Variants in CTPS2 observed in about 807,000 individuals in gnomAD.
The protein encoded by CTPS2 is CTP synthase II.
In CTPS2, 19 loss-of-function variants were observed where a neutral mutation model predicts 46.8. That is an observed-to-expected ratio of 0.41 (90% CI 0.28 to 0.60). The LOEUF is 0.60. CTPS2 is among the 20% of genes least tolerant of loss of function. The pLI is 0.35. For synonymous variants in CTPS2, 151 were observed against 165.2 expected (o/e 0.91, Z 0.66); for missense variants, 286 against 447.6 (o/e 0.64, Z 3.26).
chrX:16,702,592 A>G, intron 2 of CTPS2, 145 bp downstream of exon 2: 1 of 508,595 alleles, frequency 2.0e-6, no homozygotes, highest in Admixed American at 3.3e-5. Context: ...ACAATGTATC[A>G]ATGACCATGA....
At chrX:16,695,638 G>A (rs1924069162) in intron 4 of CTPS2, among the ~76,000 whole-genome samples, 1 of 109,360 alleles carries the variant, frequency 9.1e-6, no homozygotes, top group Non-Finnish European at 1.9e-5. Flanking sequence ...TGCAAGCTCC[G>A]CCTCCTGGGT....
At chrX:16,681,604 G>A (rs1470370459) in intron 9 of CTPS2, among the ~76,000 whole-genome samples, 1 of 111,455 alleles carries the variant, frequency 9.0e-6, no homozygotes, top group East Asian at 2.8e-4. Context: ...GGAGTGCAGT[G>A]GCGCAATTAT....
intron 9 of CTPS2, among the ~76,000 whole-genome samples, chrX:16,680,649 T>C (rs966529621): frequency 8.1e-5 from 9 of 111,337 alleles, no homozygotes; most frequent in Middle Eastern, 9.3e-3. Context: ...ATAAAATGTA[T>C]ATGTCATGGC....
chrX:16,624,378 T>C (rs1446797782), intron 14 of CTPS2, among the ~76,000 whole-genome samples: 2 of 111,818 alleles, frequency 1.8e-5, no homozygotes, highest in Non-Finnish European at 3.8e-5. Context: ...GAAATTCTAT[T>C]TGAGAACATC....
At chrX:16,684,558 G>A (rs1457633963) in intron 8 of CTPS2, among the ~76,000 whole-genome samples, 2 of 105,499 alleles carry the variant, frequency 1.9e-5, no homozygotes, top group Non-Finnish European at 3.9e-5. Context: ...TATCTGTAAA[G>A]AGTACAAGAG....
At chrX:16,604,608 C>T (rs915973325) in intron 17 of CTPS2, among the ~76,000 whole-genome samples, 1 of 109,630 alleles carries the variant, frequency 9.1e-6, no homozygotes, top group African/African-American at 3.3e-5. Context: ...GGGCGGATTG[C>T]TTGCGCCCAG....
chrX:16,636,570 G>T (rs182905940), intron 14 of CTPS2, among the ~76,000 whole-genome samples: 27 of 111,807 alleles, frequency 2.4e-4, no homozygotes, highest in Admixed American at 2.4e-3. Context: ...TCTACAGGAG[G>T]TGATGAAAAT....
chrX:16,600,547 C>A (rs1370147154), intron 17 of CTPS2, among the ~76,000 whole-genome samples: 4 of 111,102 alleles, frequency 3.6e-5, no homozygotes, highest in African/African-American at 9.8e-5. Flanking sequence ...AGAATACCAC[C>A]CAGGCAGGGT....
chrX:16,588,624 T>C lies in CTPS2; in HGVS notation c.*1193A>G, dbSNP rs1928737240. The C allele has an allele frequency of 9.0e-6, 1 of 111,662 alleles. No homozygotes were observed. Among genetic ancestry groups the C allele is most frequent in the Non-Finnish European group, 1.9e-5 (1 of 53,178 alleles). The allele number at this position is 111,662 out of a possible 1,213,427, so 9.2% of individuals were successfully genotyped here. ...CACATATATTGTGTAATTCCACTTA[T>C]ATGAAATATCCAGAATAGAAAAAGC... On this transcript the variant is annotated 3_prime_UTR_variant, in exon 19 of 19. Coordinates refer to ENST00000359276, the MANE Select transcript of CTPS2 (RefSeq NM_175859.3).
At chrX:16,661,331 T>G (rs962444117) in intron 13 of CTPS2, among the ~76,000 whole-genome samples, 3 of 112,071 alleles carry the variant, frequency 2.7e-5, no homozygotes, top group Admixed American at 1.9e-4. Flanking sequence ...CCAAGTGATT[T>G]CTATATGATC....
At chrX:16,615,203 G>A in intron 16 of CTPS2, among the ~76,000 whole-genome samples, 1 of 110,042 alleles carries the variant, frequency 9.1e-6, no homozygotes, top group East Asian at 2.9e-4. Flanking sequence ...GCCAGGCAGG[G>A]TGATGCACAC....
Position 16,601,572 on chromosome X carries a change from C to CG in CTPS2, c.1691+7968dup, listed in dbSNP as rs5901589. Among the ~76,000 whole-genome samples the CG allele has an allele frequency of 8.2e-3, 576 of 70,609 alleles. 12 individuals are homozygous for CG. The highest frequency in any genetic ancestry group is 0.013 in the Non-Finnish European group (466 of 36,328). The allele number at this position is 70,609 out of a possible 115,157, so 61.3% of individuals were successfully genotyped here. On this transcript the variant is annotated intron_variant, in intron 17 of 18. Coordinates refer to ENST00000359276, the MANE Select transcript of CTPS2 (RefSeq NM_175859.3). ...TATCCTATAAACCAAGGGAAGCCAT[C>CG]GGGGGGGGGGGGGTTTAAGTTCCAA...
At chrX:16,616,843 C>T (rs774413319) in intron 16 of CTPS2, among the ~76,000 whole-genome samples, 13 of 111,000 alleles carry the variant, frequency 1.2e-4, no homozygotes, top group South Asian at 3.9e-4. Flanking sequence ...TACAGGTGCA[C>T]GCCACCACAC....
intron 13 of CTPS2, among the ~76,000 whole-genome samples, chrX:16,652,511 A>C (rs1031103899): frequency 8.9e-6 from 1 of 112,417 alleles, no homozygotes; most frequent in Non-Finnish European, 1.9e-5. Context: ...CTAGCAGAAA[A>C]AGGGACTTTT....
chrX:16,606,291 A>G (rs1276872775), intron 17 of CTPS2, among the ~76,000 whole-genome samples: 3 of 112,019 alleles, frequency 2.7e-5, no homozygotes, highest in Non-Finnish European at 5.6e-5. Flanking sequence ...TACAGCCCCA[A>G]CTCAGCTCAC....
intron 6 of CTPS2, among the ~76,000 whole-genome samples, chrX:16,692,306 A>C (rs960126444): frequency 5.7e-4 from 62 of 109,624 alleles, no homozygotes; most frequent in Non-Finnish European, 1.0e-3. Flanking sequence ...ACACACACAC[A>C]CCACACAAAA....
At chrX:16,674,569 T>G (rs1043239917) in intron 10 of CTPS2, among the ~76,000 whole-genome samples, 6 of 110,905 alleles carry the variant, frequency 5.4e-5, no homozygotes, top group Admixed American at 1.9e-4. Context: ...CCGGGCATGG[T>G]GGCTCACACC....
chrX:16,619,706 T>C (rs1930717453), intron 15 of CTPS2, among the ~76,000 whole-genome samples: 1 of 111,852 alleles, frequency 8.9e-6, no homozygotes, highest in African/African-American at 3.3e-5. Context: ...ATTGACACAC[T>C]CATTAATCCT....
chrX:16,695,002 A>AAC (rs1569235029), intron 4 of CTPS2, among the ~76,000 whole-genome samples: 5 of 106,926 alleles, frequency 4.7e-5, no homozygotes, highest in African/African-American at 1.4e-4. Context: ...TCTCTTTAAA[A>AAC]AACAACAACA....
Sources: gnomAD v4.1 joint callset for allele counts (sites outside exome capture counted in the v4.1 genomes callset) on GRCh38, gnomAD v4.1.1 for gene constraint, MANE v1.5 for transcripts, NCBI Gene and HGNC (gene_info 2026-07-23, HGNC 2026-07-21) for gene names.